RCC1: variants seen among roughly 807,000 people sequenced by gnomAD.
RCC1 encodes the protein regulator of chromosome condensation.
Under a neutral mutation model 44.4 loss-of-function variants are expected in RCC1, and 11 were observed. The observed-to-expected ratio is 0.25, with a 90% CI of 0.16 to 0.41. The LOEUF (loss-of-function observed/expected upper bound fraction) is 0.41, where lower values mean the gene tolerates loss of function less well. Ranked by LOEUF, RCC1 falls within the 10% of genes least tolerant of loss-of-function variation. The pLI is 1.00. For missense variants in RCC1, 386 were observed against 547.1 expected, an observed-to-expected ratio of 0.71 and a Z score of 2.94; for synonymous variants, 213 against 216.5, an observed-to-expected ratio of 0.98 and a Z score of 0.14.
rs1019556963 is a variant in RCC1, at chr1:28,538,208, G to T, written c.*201G>T. On this transcript the variant is annotated 3_prime_UTR_variant, in exon 13 of 13. Transcript: ENST00000683442. The stretch of plus-strand genomic sequence containing the variant: ...ATTTTCCTGGGACCTACAGAATAAA[G>T]GGGGGGATGGACAGGGGGTTTTCAA... The T allele has an allele frequency of 2.0e-6, 1 of 488,858 alleles. No individual in the cohort carries two copies. The highest frequency in any genetic ancestry group is 3.6e-6 in the Non-Finnish European group (1 of 276,688). 30.3% of individuals were successfully genotyped at this position (488,858 alleles called of 1,614,324 possible). A position where few individuals can be genotyped will look rare whatever the true frequency, so the allele number is the denominator to read the frequency against.
At chr1:28,506,378 T>C (rs2124586332) in intron 1 of RCC1, 1 of 373,464 alleles carries the variant, frequency 2.7e-6, no homozygotes, top group South Asian at 2.0e-5. Flanking sequence ...GGAGACGGGG[T>C]TTCGCTATGT....
intron 3 of RCC1, among the ~76,000 whole-genome samples, chr1:28,511,057 C>G (rs2124605827): frequency 6.6e-6 from 1 of 152,198 alleles, no homozygotes; most frequent in South Asian, 2.1e-4. Flanking sequence ...CTTGCAATAC[C>G]CCTTTTTTAG....
At chr1:28,515,315 T>C (rs1570174462) in intron 3 of RCC1, among the ~76,000 whole-genome samples, 1 of 150,546 alleles carries the variant, frequency 6.6e-6, no homozygotes, top group Non-Finnish European at 1.5e-5. Context: ...CTGGGCATGG[T>C]GGTGCACATC....
At chr1:28,535,430 C>T (rs1376818851) in intron 9 of RCC1, 50 bp downstream of exon 9, 19 of 1,607,276 alleles carry the variant, frequency 1.2e-5, no homozygotes, top group Non-Finnish European at 1.6e-5. Flanking sequence ...GCCACCCCCA[C>T]AGTGAAGGCC....
intron 5 of RCC1, chr1:28,530,533 C>T (rs1324038510): frequency 1.9e-6 from 3 of 1,603,802 alleles, no homozygotes; most frequent in East Asian, 2.2e-5. Context: ...ACACGAGGGC[C>T]GCTGCCTCCC....
chr1:28,506,515 G>A, intron 1 of RCC1: 1 of 272,736 alleles, frequency 3.7e-6, no homozygotes, highest in Non-Finnish European at 7.3e-6. Context: ...CTATATATGG[G>A]TGTCTTAGGC....
At chr1:28,507,600 CTT>C (rs34452349) in intron 1 of RCC1, 34,017 of 323,076 alleles carry the variant, frequency 0.11, 351 homozygotes, top group African/African-American at 0.17. Context: ...GGATTGAAGT[CTT>C]TTTTTTTTTT....
intron 4 of RCC1, among the ~76,000 whole-genome samples, chr1:28,522,913 C>T (rs778683980): frequency 5.3e-5 from 8 of 151,292 alleles, no homozygotes; most frequent in South Asian, 2.1e-4. Flanking sequence ...GGGTGGGGAC[C>T]GGAAGACCAG....
intron 4 of RCC1, chr1:28,526,760 G>C (rs372372629): frequency 3.7e-6 from 2 of 540,790 alleles, no homozygotes; most frequent in South Asian, 2.4e-5. Context: ...GCCAGGCGTC[G>C]TGGCAGGCGC....
rs1191675470 is a variant in RCC1 at position 28,535,160 on chromosome 1, C to T, written c.538+14C>T. The T allele has an allele frequency of 1.9e-6, 3 of 1,613,932 alleles. No homozygotes were observed. The highest frequency in any genetic ancestry group is 2.5e-6 in the Non-Finnish European group (3 of 1,179,800). On this transcript the variant is annotated intron_variant, in intron 8 of 12. Transcript: ENST00000683442. ...AGGTGGCCTCAGGTGGGTCTGGGGG[C>T]ACTTGCTCAGGGCAGGAGTTGGAGG...
At chr1:28,525,198 T>C (rs948535798) in intron 4 of RCC1, among the ~76,000 whole-genome samples, 2 of 152,146 alleles carry the variant, frequency 1.3e-5, no homozygotes, top group Non-Finnish European at 2.9e-5. Context: ...TCACAGTGCT[T>C]TTCCATACGA....
chr1:28,528,523 AAGG>A (rs1663848284), intron 4 of RCC1, among the ~76,000 whole-genome samples: 1 of 152,010 alleles, frequency 6.6e-6, no homozygotes, highest in Non-Finnish European at 1.5e-5. Context: ...AGCTACTCGG[AAGG>A]CTGAGGCACA....
chr1:28,510,698 T>A (rs1390395902), intron 3 of RCC1: 2 of 152,244 alleles, frequency 1.3e-5, no homozygotes, highest in African/African-American at 4.8e-5. Flanking sequence ...CATATTCCAA[T>A]GGGGAATCCC....
chr1:28,530,611 A>C (rs550080682), intron 5 of RCC1: 2 of 1,603,078 alleles, frequency 1.2e-6, no homozygotes, highest in Non-Finnish European at 1.7e-6. Context: ...AGAAAACCCG[A>C]CCAGGTGGCT....
At chr1:28,534,641 C>T (rs181052096) in intron 7 of RCC1, among the ~76,000 whole-genome samples, 1 of 152,218 alleles carries the variant, frequency 6.6e-6, no homozygotes, top group Non-Finnish European at 1.5e-5. Context: ...CCACCACGCC[C>T]AGCTAATTTT....
intron 4 of RCC1, among the ~76,000 whole-genome samples, 169 bp downstream of exon 4, chr1:28,517,036 GC>G (rs2124620060): frequency 2.0e-5 from 3 of 151,846 alleles, no homozygotes; most frequent in East Asian, 3.9e-4. Flanking sequence ...CAGGAGAATC[GC>G]TTGAACCTGG....
chr1:28,538,579 A>G lies in RCC1; in HGVS notation c.*572A>G, dbSNP rs531594218. The G allele has an allele frequency of 6.6e-6, 1 of 152,302 alleles. No individual in the cohort carries two copies. Among genetic ancestry groups the G allele is most frequent in the Non-Finnish European group, 1.5e-5 (1 of 68,110 alleles). The allele number at this position is 152,302 out of a possible 1,614,324, so 9.4% of individuals were successfully genotyped here. ...AACAGGTGTCCATGGGACAAAAAAGAACGATCCTCCACTTGACCAAGAAAA... is the reference window on the plus strand; with the variant it reads ...AACAGGTGTCCATGGGACAAAAAAGGACGATCCTCCACTTGACCAAGAAAA... On this transcript the variant is annotated 3_prime_UTR_variant, in exon 13 of 13. Transcript: ENST00000683442.
At chr1:28,537,727 T>C in intron 12 of RCC1, 105 bp from the exon 13 acceptor site, 2 of 1,169,764 alleles carry the variant, frequency 1.7e-6, no homozygotes, top group East Asian at 2.6e-5. Flanking sequence ...GCCAAGCTGC[T>C]ATTGGCCAAG....
chr1:28,510,575 G>T (rs1163550016), intron 3 of RCC1: 2 of 152,236 alleles, frequency 1.3e-5, no homozygotes, highest in Non-Finnish European at 2.9e-5. Context: ...CTGCGCTCCA[G>T]CCTGGTGACA....
Sources: gnomAD v4.1 joint callset for allele counts (sites outside exome capture counted in the v4.1 genomes callset) on GRCh38, gnomAD v4.1.1 for gene constraint, MANE v1.5 for transcripts, NCBI Gene and HGNC (gene_info 2026-07-23, HGNC 2026-07-21) for gene names.